The following CCM2 variants were observed in gnomAD, a reference collection of about 807,000 sequenced individuals.
CCM2 encodes cerebral cavernous malformations 2 protein.
Under a neutral mutation model 44.9 loss-of-function variants are expected in CCM2, and 25 were observed. That is an observed-to-expected ratio of 0.56 (90% CI 0.41 to 0.78). The LOEUF (loss-of-function observed/expected upper bound fraction) is 0.78. Among genes scored for constraint, CCM2 ranks in the 30% least tolerant of loss-of-function variants. The pLI, the probability that CCM2 is intolerant of heterozygous loss-of-function variation, is 0.00. For synonymous variants in CCM2, 219 were observed against 241.1 expected, an observed-to-expected ratio of 0.91 and a Z score of 0.85; for missense variants, 481 against 580.6, an observed-to-expected ratio of 0.83 and a Z score of 1.76.
At chr7:45,051,279 G>C (rs1046300303) in intron 2 of CCM2, among the ~76,000 whole-genome samples, 1 of 152,090 alleles carries the variant, frequency 6.6e-6, no homozygotes, top group Non-Finnish European at 1.5e-5. Context: ...AGCAACTATT[G>C]GTTTAGATGT....
intron 1 of CCM2, among the ~76,000 whole-genome samples, chr7:45,033,671 CAA>C (rs1797074066): frequency 6.6e-6 from 1 of 152,172 alleles, no homozygotes; most frequent in Admixed American, 6.5e-5. Context: ...TGTGGAGATG[CAA>C]GCTTCCGAAA....
At chr7:45,046,001 C>G (rs967530301) in intron 2 of CCM2, among the ~76,000 whole-genome samples, 2 of 152,136 alleles carry the variant, frequency 1.3e-5, no homozygotes, top group East Asian at 1.9e-4. Context: ...AGTGGAGAGA[C>G]ACACTGAATT....
intron 1 of CCM2, among the ~76,000 whole-genome samples, chr7:45,035,536 A>G (rs1246916295): frequency 6.6e-6 from 1 of 152,194 alleles, no homozygotes. Context: ...TAGTTCAGGT[A>G]GATGAGGGAC....
intron 1 of CCM2, among the ~76,000 whole-genome samples, chr7:45,022,343 C>G (rs2128719378): frequency 1.5e-5 from 2 of 135,316 alleles, no homozygotes; most frequent in East Asian, 4.1e-4. Context: ...GCTCTGTTGC[C>G]CAGGCTAGAG....
At chr7:45,036,949 G>A (rs576619077) in intron 1 of CCM2, among the ~76,000 whole-genome samples, 10 of 152,130 alleles carry the variant, frequency 6.6e-5, no homozygotes, top group Non-Finnish European at 1.0e-4. Flanking sequence ...CTCCTCCTGC[G>A]TTTCCTCTGT....
chr7:45,008,643 T>C (rs1052024077), intron 1 of CCM2, among the ~76,000 whole-genome samples: 4 of 152,166 alleles, frequency 2.6e-5, no homozygotes, highest in African/African-American at 9.7e-5. Flanking sequence ...ATTACAGGCG[T>C]GAGCCACCGC....
intron 1 of CCM2, among the ~76,000 whole-genome samples, chr7:45,026,554 T>C (rs1329863022): frequency 6.6e-6 from 1 of 152,066 alleles, no homozygotes; most frequent in Non-Finnish European, 1.5e-5. Flanking sequence ...ATTGTAATTG[T>C]TATGTTTATT....
chr7:45,020,825 G>GA (rs1422973013), intron 1 of CCM2, among the ~76,000 whole-genome samples: 1 of 144,502 alleles, frequency 6.9e-6, no homozygotes, highest in Non-Finnish European at 1.5e-5. Context: ...TATATTATAT[G>GA]AAAAAAATCA....
At chr7:45,051,542 C>T (rs545236780) in intron 2 of CCM2, among the ~76,000 whole-genome samples, 5 of 151,594 alleles carry the variant, frequency 3.3e-5, no homozygotes, top group African/African-American at 7.3e-5. Flanking sequence ...GGACTACAGG[C>T]GCCCGTCACC....
intron 2 of CCM2, among the ~76,000 whole-genome samples, chr7:45,042,823 C>G (rs1797574430): frequency 1.3e-5 from 2 of 151,912 alleles, no homozygotes; most frequent in Non-Finnish European, 1.5e-5. Context: ...TAAAAAAAGT[C>G]TTTAGGCCCA....
intron 2 of CCM2, among the ~76,000 whole-genome samples, chr7:45,048,679 C>A (rs1797867564): frequency 1.3e-5 from 2 of 151,960 alleles, no homozygotes; most frequent in South Asian, 4.1e-4. Context: ...AGGAGATTCG[C>A]TTGAACCCAG....
chr7:45,062,352 G>A (rs1198528727), intron 2 of CCM2, among the ~76,000 whole-genome samples: 1 of 152,170 alleles, frequency 6.6e-6, no homozygotes, highest in African/African-American at 2.4e-5. Flanking sequence ...TGTTATGGTG[G>A]TTGGTAAGAT....
In CCM2 at chr7:45,053,392, A is replaced by C. The variant is rs150796270; in HGVS notation, c.205-10526A>C. Among the ~76,000 whole-genome samples, 904 of 152,276 alleles carry C rather than the reference A, an allele frequency of 5.9e-3. 7 individuals are homozygous for C. The highest frequency in any genetic ancestry group is 0.02 in the African/African-American group (847 of 41,542). On this transcript the variant is annotated intron_variant, in intron 2 of 9. Transcript: ENST00000258781. ...AGGGATTGATACTTTGCATTGTAGA[A>C]GCTCACCTTAGCCTTCTGCTTATTC...
rs2289370 is a variant in CCM2, at chr7:45,074,490, C to T, written c.1054+82C>T. 177,670 of 1,145,822 alleles carry T rather than the reference C, an allele frequency of 0.16. 15,340 individuals carry two copies. The highest frequency in any genetic ancestry group is 0.2 in the Middle Eastern group (1,041 of 5,100). 71.0% of individuals were successfully genotyped at this position (1,145,822 alleles called of 1,614,324 possible). A position where few individuals can be genotyped will look rare whatever the true frequency, so the allele number is the denominator to read the frequency against. ...CCCTCCTGGGAATGTGCACACGGACCCCTCAGTGGGTGCAGCAGGGGCTCC... is the reference window on the plus strand; with the variant it reads ...CCCTCCTGGGAATGTGCACACGGACTCCTCAGTGGGTGCAGCAGGGGCTCC... On this transcript the variant is annotated intron_variant, in intron 9 of 9. Coordinates refer to ENST00000258781, the MANE Select transcript of CCM2 (RefSeq NM_031443.4).
intron 2 of CCM2, among the ~76,000 whole-genome samples, chr7:45,048,082 A>G (rs559173446): frequency 6.6e-6 from 1 of 150,498 alleles, no homozygotes; most frequent in South Asian, 2.1e-4. Flanking sequence ...TCTTAAATTG[A>G]TAAGCAATAG....
chr7:45,028,864 G>A (rs1796820175), intron 1 of CCM2, among the ~76,000 whole-genome samples: 1 of 152,184 alleles, frequency 6.6e-6, no homozygotes, highest in Non-Finnish European at 1.5e-5. Context: ...CATAGGCAGG[G>A]GTGCAATGTG....
chr7:45,001,956 T>C (rs1795654374), intron 1 of CCM2, among the ~76,000 whole-genome samples: 1 of 152,234 alleles, frequency 6.6e-6, no homozygotes, highest in Non-Finnish European at 1.5e-5. Context: ...TTTTTCTGTA[T>C]TCTGCCACTT....
chr7:45,012,605 G>C (rs190932531), intron 1 of CCM2, among the ~76,000 whole-genome samples: 17 of 152,170 alleles, frequency 1.1e-4, no homozygotes, highest in Non-Finnish European at 2.1e-4. Context: ...GCCGAGGCTG[G>C]AGAGCAGTAG....
At chr7:45,020,787 A>G (rs566470493) in intron 1 of CCM2, among the ~76,000 whole-genome samples, 4 of 152,368 alleles carry the variant, frequency 2.6e-5, no homozygotes, top group African/African-American at 4.8e-5. Flanking sequence ...TAAAAAATAC[A>G]TTTGTATCTC....
Sources: allele counts gnomAD v4.1 joint callset (sites outside exome capture counted in the v4.1 genomes callset), GRCh38; gene constraint gnomAD v4.1.1; transcripts MANE v1.5; gene names NCBI Gene and HGNC (gene_info 2026-07-23, HGNC 2026-07-21).